ATP2B3: variants seen among roughly 807,000 people sequenced by gnomAD.
ATP2B3 encodes plasma membrane calcium-transporting ATPase 3.
A neutral mutation model predicts 70.8 loss-of-function variants in ATP2B3; 12 were observed. The ratio of observed to expected loss-of-function variants is 0.17; its 90% confidence interval spans 0.11 to 0.27. ATP2B3 has a LOEUF of 0.27. Among genes scored for constraint, ATP2B3 ranks in the 10% least tolerant of loss-of-function variants. The probability of loss-of-function intolerance (pLI) is 1.00; values close to 1 mark genes in which losing one functional copy is unlikely to be tolerated. For missense variants in ATP2B3, 858 were observed against 1,118.5 expected, an observed-to-expected ratio of 0.77 and a Z score of 3.32; for synonymous variants, 460 against 497.8, an observed-to-expected ratio of 0.92 and a Z score of 1.01.
At chrX:153,562,094 G>A (rs2090633948) in intron 19 of ATP2B3, 41 bp from the exon 20 acceptor site, 1 of 1,162,364 alleles carries the variant, frequency 8.6e-7, no homozygotes, top group African/African-American at 1.8e-5. Context: ...TGGCTCAGGA[G>A]CCGCGGCTGG....
At position 153,554,939 on chromosome X, in the gene ATP2B3, G is replaced by A. The variant is rs187816777; in HGVS notation, c.2059-1110G>A. Among the ~76,000 whole-genome samples, 468 of 112,336 alleles carry A rather than the reference G, an allele frequency of 4.2e-3. 4 individuals carry two copies. Among genetic ancestry groups the A allele is most frequent in the African/African-American group, 0.015 (450 of 30,907 alleles). ...CTGAGGAGGGAGGAGGCCTGGGTTC[G>A]CAGCTGCTGGTTTTCAGGCTCGTCA... On this transcript the variant is annotated intron_variant, in intron 13 of 21. Coordinates refer to ENST00000263519, the MANE Select transcript of ATP2B3 (RefSeq NM_001001344.3).
At chrX:153,523,705 TTTTTTTC>T (rs1307185107) in intron 2 of ATP2B3, among the ~76,000 whole-genome samples, 1 of 25,682 alleles carries the variant, frequency 3.9e-5, no homozygotes, top group African/African-American at 1.1e-4. Context: ...TTTTTTTTTT[TTTTTTTC>T]CCTGAGACAG....
chrX:153,535,687 G>GGGAGTGAACC (rs1196594524), intron 2 of ATP2B3, among the ~76,000 whole-genome samples: 1 of 112,805 alleles, frequency 8.9e-6, no homozygotes, highest in African/African-American at 3.2e-5. Flanking sequence ...GGCAAGAGCA[G>GGGAGTGAACC]GGAGTGAACC....
At chrX:153,537,166 C>T (rs1216142411) in intron 3 of ATP2B3, among the ~76,000 whole-genome samples, 4 of 113,427 alleles carry the variant, frequency 3.5e-5, no homozygotes, top group Non-Finnish European at 7.5e-5. Flanking sequence ...ATGTTCCACC[C>T]GGCCTTGTGA....
rs782218503 is a variant in ATP2B3 at position 153,550,117 on chromosome X, T to A, written c.1654T>A (p.Leu552Met). The change falls in exon 12 of 22, where the codon TTG (leucine) becomes ATG (methionine). Residue 552 changes from leucine to methionine, a missense_variant. Leu to Met is a conservative substitution (Grantham distance 15, BLOSUM62 2). Around this residue, in one of 5 missense-constraint regions of ATP2B3, gnomAD observed 242 missense variants for 281.3 expected, o/e 0.86. Coordinates refer to ENST00000263519, the MANE Select transcript of ATP2B3 (RefSeq NM_001001344.3). ...KTECALLGFVLDLKRDFQPVR... is the reference protein window; with the variant it reads ...KTECALLGFVMDLKRDFQPVR... ...GGAGTGCGCCCTGCTGGGCTTCGTCTTGGACCTGAAGCGGGACTTCCAGCC... is the reference window on the plus strand; with the variant it reads ...GGAGTGCGCCCTGCTGGGCTTCGTCATGGACCTGAAGCGGGACTTCCAGCC... 14 of 1,211,597 alleles carry A rather than the reference T, an allele frequency of 1.2e-5. No individual in the cohort carries two copies. Among genetic ancestry groups the A allele is most frequent in the Non-Finnish European group, 1.5e-5 (13 of 895,511 alleles).
intron 8 of ATP2B3, among the ~76,000 whole-genome samples, chrX:153,547,218 G>A (rs1311042386): frequency 9.0e-6 from 1 of 110,843 alleles, no homozygotes; most frequent in Admixed American, 9.5e-5. Context: ...AAGCAGAGGA[G>A]TGGGGAGAGG....
At chrX:153,574,836 A>G (rs1347176862) in intron 21 of ATP2B3, 1 of 328,682 alleles carries the variant, frequency 3.0e-6, no homozygotes, top group Non-Finnish European at 5.9e-6. Flanking sequence ...GGCATCGCAC[A>G]TGGCACTCCA....
rs187412561 is a variant in ATP2B3, at chrX:153,561,964, G to A, written c.3052-171G>A. The stretch of plus-strand genomic sequence containing the variant: ...GGTGCCTGGCACCCAGGGGCGCTGG[G>A]GGCCATGCACTGCTCTGTCATCACG... On this transcript the variant is annotated intron_variant, in intron 19 of 21. Coordinates refer to ENST00000263519, the MANE Select transcript of ATP2B3 (RefSeq NM_001001344.3). Among the ~76,000 whole-genome samples the A allele has an allele frequency of 1.1e-4, 12 of 112,639 alleles. No homozygotes were observed. In the East Asian group the frequency reaches 3.4e-3, roughly 32 times the overall value.
intron 21 of ATP2B3, among the ~76,000 whole-genome samples, chrX:153,567,243 G>A (rs957380340): frequency 5.3e-5 from 6 of 113,368 alleles, no homozygotes; most frequent in African/African-American, 1.6e-4. Flanking sequence ...GTCTGTTCTC[G>A]TTCCCTGCAA....
intron 2 of ATP2B3, among the ~76,000 whole-genome samples, chrX:153,532,023 C>T (rs1441279613): frequency 2.7e-5 from 3 of 111,872 alleles, no homozygotes; most frequent in Non-Finnish European, 3.8e-5. Context: ...CCAGCAAGGG[C>T]GGCCATGACC....
intron 2 of ATP2B3, among the ~76,000 whole-genome samples, chrX:153,525,519 C>G (rs1480113019): frequency 8.9e-6 from 1 of 112,155 alleles, no homozygotes; most frequent in Non-Finnish European, 1.9e-5. Context: ...TTCCGCCCCC[C>G]ACCATGGGCC....
At chrX:153,527,970 G>T in intron 2 of ATP2B3, among the ~76,000 whole-genome samples, 1 of 112,807 alleles carries the variant, frequency 8.9e-6, no homozygotes, top group Non-Finnish European at 1.9e-5. Flanking sequence ...GCCTCAGGGT[G>T]TGTGGGCAGG....
chrX:153,562,127 C>G lies in ATP2B3; in HGVS notation c.3052-8C>G. The G allele has an allele frequency of 8.3e-7, 1 of 1,209,324 alleles. No individual in the cohort carries two copies. The highest frequency in any genetic ancestry group is 1.1e-6 in the Non-Finnish European group (1 of 892,883). On this transcript the variant is annotated splice_region_variant and splice_polypyrimidine_tract_variant and intron_variant, in intron 19 of 21. Coordinates refer to ENST00000263519, the MANE Select transcript of ATP2B3 (RefSeq NM_001001344.3). Reference sequence around the variant, plus strand: ...TGGACCTGCCTCTCTCCCACTTGCCCTTCGCAGATTGTCATCGTCCAGTTT... The same window carrying G: ...TGGACCTGCCTCTCTCCCACTTGCCGTTCGCAGATTGTCATCGTCCAGTTT...
At chrX:153,564,225 G>A (rs782690356) in intron 20 of ATP2B3, among the ~76,000 whole-genome samples, 1 of 113,035 alleles carries the variant, frequency 8.8e-6, no homozygotes, top group African/African-American at 3.2e-5. Flanking sequence ...CCTCTCCCAG[G>A]GGAGTTGCGC....
At chrX:153,531,644 T>C (rs1362439006) in intron 2 of ATP2B3, among the ~76,000 whole-genome samples, 10 of 112,659 alleles carry the variant, frequency 8.9e-5, no homozygotes, top group Admixed American at 6.5e-4. Flanking sequence ...CACGGCATCC[T>C]GGGCCTGGCT....
chrX:153,547,112 C>A (rs1339084491), intron 8 of ATP2B3, among the ~76,000 whole-genome samples: 14 of 111,385 alleles, frequency 1.3e-4, no homozygotes, highest in Non-Finnish European at 1.9e-4. Context: ...GCGTCGGTCC[C>A]GGGGCAGAAG....
At position 153,564,970 on chromosome X, in the gene ATP2B3, G is replaced by A. The variant is rs1036959875; in HGVS notation, c.3209G>A (p.Gly1070Glu). 8.3e-7 allele frequency: 1 copy of A among 1,200,351 alleles called. No homozygotes were observed. Among genetic ancestry groups the A allele is most frequent in the Non-Finnish European group, 1.1e-6 (1 of 889,173 alleles). The stretch of plus-strand genomic sequence containing the variant: ...CAGCTCAAGTGCCTGAAGGAAGCCG[G>A]GCACGGGCCCGGGAAGGACGAGATG... The part of the protein sequence containing the change: ...TSQLKCLKEA[G>E]HGPGKDEMTD... Residue 1070 changes from glycine (G) to glutamate (E), a missense_variant, in exon 21 of 22, where the codon GGG becomes GAG. By Grantham distance (98) the Gly-to-Glu change is moderately conservative (BLOSUM62 -2). Around this residue, in one of 5 missense-constraint regions of ATP2B3, gnomAD observed 265 missense variants for 305.3 expected, o/e 0.87. Coordinates refer to ENST00000263519, the MANE Select transcript of ATP2B3 (RefSeq NM_001001344.3).
chrX:153,534,695 C>T (rs112121160), intron 2 of ATP2B3, among the ~76,000 whole-genome samples: 2,713 of 113,000 alleles, frequency 0.024, 27 homozygotes, highest in Middle Eastern at 0.032. Context: ...GGAGAGAGGA[C>T]GGCACAGGCA....
chrX:153,574,860 T>C (rs1557020884), intron 21 of ATP2B3: 1 of 330,714 alleles, frequency 3.0e-6, no homozygotes, highest in East Asian at 9.7e-5. Context: ...CTGCACCCCT[T>C]CCGCTTTGGC....
Sources: gnomAD v4.1 joint callset for allele counts (sites outside exome capture counted in the v4.1 genomes callset) on GRCh38, gnomAD v4.1.1 for gene constraint, gnomAD v4.1.1 regional missense constraint, MANE v1.5 for transcripts, NCBI Gene and HGNC (gene_info 2026-07-23, HGNC 2026-07-21) for gene names.